RPS10: variants seen among roughly 807,000 people sequenced by gnomAD.
The protein encoded by RPS10 is small ribosomal subunit protein eS10.
RPS10 carries 2 observed loss-of-function variants against 22.6 expected under a neutral mutation model. That is an observed-to-expected ratio of 0.09 (90% CI 0.04 to 0.28). The LOEUF is 0.28. Among genes scored for constraint, RPS10 ranks in the 10% least tolerant of loss-of-function variants. RPS10 has a pLI of 1.00. For missense variants in RPS10, 137 were observed against 222.2 expected (o/e 0.62, Z 2.44); for synonymous variants, 70 against 75.9 (o/e 0.92, Z 0.40).
intron 4 of RPS10, among the ~76,000 whole-genome samples, chr6:34,421,103 T>TC (rs1201833118): frequency 1.1e-4 from 17 of 149,166 alleles, no homozygotes; most frequent in African/African-American, 4.0e-4. Flanking sequence ...AGAGGTTTTT[T>TC]TTTTTTTTTG....
chr6:34,422,536 A>T (rs1195760676), intron 3 of RPS10, among the ~76,000 whole-genome samples: 1 of 152,002 alleles, frequency 6.6e-6, no homozygotes, highest in Non-Finnish European at 1.5e-5. Context: ...GCTGGTCTCC[A>T]ACTCCTGACC....
At chr6:34,425,987 A>T (rs1243575938) in intron 1 of RPS10, 45 bp downstream of exon 1, 2 of 152,724 alleles carry the variant, frequency 1.3e-5, no homozygotes, top group Non-Finnish European at 2.9e-5. Flanking sequence ...GCGGCAGGAT[A>T]GCCCGGATGG....
chr6:34,420,835 T>G (rs191059796), intron 4 of RPS10, among the ~76,000 whole-genome samples: 2 of 151,226 alleles, frequency 1.3e-5, no homozygotes, highest in African/African-American at 4.9e-5. Flanking sequence ...TGAAACCCCA[T>G]CTCTACTAAA....
intron 5 of RPS10, chr6:34,418,148 C>A (rs1765640190): frequency 1.4e-6 from 2 of 1,466,520 alleles, no homozygotes; most frequent in South Asian, 1.4e-5. Flanking sequence ...ACTAGTAGGC[C>A]ACATGTACTG....
Position 34,424,700 on chromosome 6 carries a change from G to C in RPS10, c.291C>G (p.Ser97Arg), listed in dbSNP as rs145746888. ...PEIVPATLRRSRPETGRPRPK... is the reference protein window; with the variant it reads ...PEIVPATLRRRRPETGRPRPK... ...GCCGAGGCCTGCCAGTCTCTGGACGGCTACGGCGTAGGGTGGCAGGCACAA... is the reference window on the plus strand; with the variant it reads ...GCCGAGGCCTGCCAGTCTCTGGACGCCTACGGCGTAGGGTGGCAGGCACAA... Residue 97 changes from serine (S) to arginine (R), a missense_variant, in exon 3 of 6, where the codon AGC (serine) becomes AGG (arginine). By Grantham distance (110) the Ser-to-Arg change is moderately radical (BLOSUM62 -1). Coordinates refer to ENST00000648437, the MANE Select transcript of RPS10 (RefSeq NM_001014.5). 14 of 1,614,072 alleles carry C rather than the reference G, an allele frequency of 8.7e-6. No homozygotes were observed. The highest frequency in any genetic ancestry group is 1.3e-5 in the African/African-American group (1 of 74,944).
At chr6:34,423,563 A>G (rs575855111) in intron 3 of RPS10, among the ~76,000 whole-genome samples, 5 of 152,318 alleles carry the variant, frequency 3.3e-5, no homozygotes, top group Admixed American at 1.3e-4. Flanking sequence ...AGGAGATTCC[A>G]AGATGTAGTA....
chr6:34,423,037 G>T (rs1423043331), intron 3 of RPS10, among the ~76,000 whole-genome samples: 1 of 152,086 alleles, frequency 6.6e-6, no homozygotes, highest in Non-Finnish European at 1.5e-5. Flanking sequence ...TTGGGATCGT[G>T]ACACTGCACT....
At chr6:34,425,771 T>C (rs1340745262) in intron 1 of RPS10, 2 of 164,212 alleles carry the variant, frequency 1.2e-5, no homozygotes, top group Non-Finnish European at 2.7e-5. Flanking sequence ...AGCGTGTCGG[T>C]GGGACACCGT....
Position 34,425,119 on chromosome 6 carries a change from G to A in RPS10, c.103C>T (p.Leu35=), listed in dbSNP as rs143557454. The change falls in exon 2 of 6, where the codon CTG becomes TTG. Residue 35 remains leucine (L), a synonymous_variant. Transcript: ENST00000648437. The part of the protein sequence containing the change: ...KDVHMPKHPE[L]ADKNVPNLHV... ...AGGTTGGGCACATTCTTGTCTGCCA[G>A]CTCCGGGTGCTTAGGCATGTGGACA... 8.3e-5 allele frequency: 134 copies of A among 1,613,088 alleles called. No individual in the cohort carries two copies. The highest frequency in any genetic ancestry group is 2.2e-4 in the Admixed American group (13 of 60,002).
In RPS10 at chr6:34,424,663, C is replaced by G; in HGVS notation, c.322+6G>C. ...ATAGCTGAAGGGATTTGTGTGGGAA[C>G]CATACCTTTAGGCCGAGGCCTGCCA... is the stretch of plus-strand genomic sequence containing the variant. On this transcript the variant is annotated splice_donor_region_variant and intron_variant, in intron 3 of 5. Coordinates refer to ENST00000648437, the MANE Select transcript of RPS10 (RefSeq NM_001014.5). 1 of 1,614,070 alleles carries G rather than the reference C, an allele frequency of 6.2e-7. No individual in the cohort carries two copies. The highest frequency in any genetic ancestry group is 8.5e-7 in the Non-Finnish European group (1 of 1,179,948).
At chr6:34,421,677 G>T in intron 4 of RPS10, 53 bp downstream of exon 4, 1 of 1,602,802 alleles carries the variant, frequency 6.2e-7, no homozygotes, top group South Asian at 1.1e-5. Context: ...CCAGCTGTGA[G>T]AATCCAGACA....
At chr6:34,417,716 G>C in intron 5 of RPS10, 169 bp from the exon 6 acceptor site, 1 of 738,836 alleles carries the variant, frequency 1.4e-6, no homozygotes, top group Non-Finnish European at 2.5e-6. Flanking sequence ...ACTGGATGTG[G>C]GGCCATATCT....
At chr6:34,424,158 A>AAAAAAAAAAAAAAG (rs1561939847) in intron 3 of RPS10, 1 of 150,466 alleles carries the variant, frequency 6.6e-6, no homozygotes, top group African/African-American at 2.5e-5. Flanking sequence ...AAAAAAAAAA[A>AAAAAAAAAAAAAAG]AAAAAAGCAA....
At chr6:34,423,712 C>T (rs1427429938) in intron 3 of RPS10, among the ~76,000 whole-genome samples, 2 of 152,084 alleles carry the variant, frequency 1.3e-5, no homozygotes, top group African/African-American at 4.8e-5. Context: ...AGTGAAACCC[C>T]ATCTCCACTA....
chr6:34,421,353 T>G (rs1765760248), intron 4 of RPS10, among the ~76,000 whole-genome samples: 1 of 151,810 alleles, frequency 6.6e-6, no homozygotes, highest in African/African-American at 2.4e-5. Flanking sequence ...CGCCCTAATT[T>G]TTGTATTTTT....
intron 4 of RPS10, among the ~76,000 whole-genome samples, chr6:34,420,874 G>A (rs1029590658): frequency 2.0e-5 from 3 of 151,772 alleles, no homozygotes; most frequent in African/African-American, 7.2e-5. Flanking sequence ...TGGGCATGGC[G>A]GCGGTCGCCT....
intron 4 of RPS10, among the ~76,000 whole-genome samples, chr6:34,420,710 C>A (rs536348291): frequency 6.6e-6 from 1 of 151,986 alleles, no homozygotes; most frequent in Non-Finnish European, 1.5e-5. Context: ...CAATCAACAA[C>A]GAGTGACTTT....
intron 5 of RPS10, chr6:34,417,839 T>C (rs1485414474): frequency 1.4e-6 from 1 of 718,436 alleles, no homozygotes; most frequent in African/African-American, 1.7e-5. Context: ...CCGTTTCTAC[T>C]GTACATGCTT....
chr6:34,419,441 G>A (rs574783248), intron 4 of RPS10, among the ~76,000 whole-genome samples: 8 of 152,088 alleles, frequency 5.3e-5, no homozygotes, highest in Non-Finnish European at 1.2e-4. Flanking sequence ...GGAATTACGG[G>A]TGTGAGCCAC....
Sources: allele counts gnomAD v4.1 joint callset (sites outside exome capture counted in the v4.1 genomes callset), GRCh38; gene constraint gnomAD v4.1.1; transcripts MANE v1.5; gene names NCBI Gene and HGNC (gene_info 2026-07-23, HGNC 2026-07-21).